The following SORCS2 variants were observed in gnomAD, a reference collection of about 807,000 sequenced individuals.
SORCS2 encodes VPS10 domain-containing receptor SorCS2.
Under a neutral mutation model 141.6 loss-of-function variants are expected in SORCS2, and 100 were observed. The observed-to-expected ratio is 0.71, with a 90% CI of 0.60 to 0.83. SORCS2 has a LOEUF of 0.83. SORCS2 is among the 40% of genes least tolerant of loss of function. The pLI is 0.00. For missense variants in SORCS2, 1,646 were observed against 1,560.2 expected (o/e 1.05, Z -0.93); for synonymous variants, 789 against 676.9 (o/e 1.17, Z -2.57).
At chr4:7,253,640 G>A (rs1713654008) in intron 1 of SORCS2, among the ~76,000 whole-genome samples, 1 of 152,208 alleles carries the variant, frequency 6.6e-6, no homozygotes, top group African/African-American at 2.4e-5. Flanking sequence ...GGCCCACAGG[G>A]TCACTGGGGA....
At chr4:7,641,487 T>C (rs1720724111) in intron 4 of SORCS2, among the ~76,000 whole-genome samples, 1 of 152,194 alleles carries the variant, frequency 6.6e-6, no homozygotes, top group South Asian at 2.1e-4. Flanking sequence ...CATGTGGGGA[T>C]TACAATTTGA....
chr4:7,515,563 C>G (rs985590324), intron 2 of SORCS2, among the ~76,000 whole-genome samples: 1 of 152,224 alleles, frequency 6.6e-6, no homozygotes, highest in South Asian at 2.1e-4. Context: ...ATTGAGGAGG[C>G]CTGGACACCG....
chr4:7,589,021 A>G (rs1716728048), intron 3 of SORCS2, among the ~76,000 whole-genome samples: 1 of 152,326 alleles, frequency 6.6e-6, no homozygotes, highest in Middle Eastern at 3.4e-3. Flanking sequence ...GAGACACAGC[A>G]GACTGAGAGA....
chr4:7,665,230 T>G (rs924257688), intron 7 of SORCS2, among the ~76,000 whole-genome samples: 2 of 152,176 alleles, frequency 1.3e-5, no homozygotes, highest in South Asian at 2.1e-4. Context: ...TCAGCCACAC[T>G]TGGTCACCCC....
rs143737803 is a variant in SORCS2, at chr4:7,617,098, A to G, written c.649-21230A>G. On this transcript the variant is annotated intron_variant, in intron 3 of 26. Coordinates refer to ENST00000507866, the MANE Select transcript of SORCS2 (RefSeq NM_020777.3). ...AGCTAGTCCAAATTGTGGCCAGGCC[A>G]GAATTCTGAATATTTTGACTACAAA... Among the ~76,000 whole-genome samples the G allele has an allele frequency of 2.9e-3, 441 of 152,336 alleles. 2 individuals are homozygous for G. Among genetic ancestry groups the G allele is most frequent in the African/African-American group, 0.01 (425 of 41,576 alleles).
chr4:7,428,753 C>T (rs1055932690), intron 2 of SORCS2, among the ~76,000 whole-genome samples: 10 of 152,066 alleles, frequency 6.6e-5, no homozygotes, highest in Admixed American at 2.0e-4. Context: ...GGGGTCCACC[C>T]GGCTGGTGGT....
chr4:7,445,887 C>T (rs1412239519), intron 2 of SORCS2, among the ~76,000 whole-genome samples: 1 of 152,152 alleles, frequency 6.6e-6, no homozygotes. Flanking sequence ...TCCCCACTGG[C>T]CCTGAGAGTA....
At position 7,433,630 on chromosome 4, in the gene SORCS2, C is replaced by G. The variant is rs747716104; in HGVS notation, c.548+37275C>G. ...ACCCTTGAAGGCCACCAGGATGTCTCGCTTGGTGCTCTTGCTCTCCAAGTT... is the reference window on the plus strand; with the variant it reads ...ACCCTTGAAGGCCACCAGGATGTCTGGCTTGGTGCTCTTGCTCTCCAAGTT... On this transcript the variant is annotated intron_variant, in intron 2 of 26. Coordinates refer to ENST00000507866, the MANE Select transcript of SORCS2 (RefSeq NM_020777.3). The G allele has an allele frequency of 6.2e-6, 10 of 1,610,808 alleles. No homozygotes were observed. The highest frequency in any genetic ancestry group is 8.5e-6 in the Non-Finnish European group (10 of 1,178,400).
rs184680812 is a variant in SORCS2 at position 7,222,000 on chromosome 4, A to T, written c.480+28874A>T. ...GTTCAGATGGGGCTGAGTGCTATGGAGAAAATGGAGCAAGTGATGACCCAC... is the reference window on the plus strand; with the variant it reads ...GTTCAGATGGGGCTGAGTGCTATGGTGAAAATGGAGCAAGTGATGACCCAC... On this transcript the variant is annotated intron_variant, in intron 1 of 26. Transcript: ENST00000507866. 4.6e-5 allele frequency among the ~76,000 whole-genome samples: 7 copies of T among 152,230 alleles called. No homozygotes were observed. In the East Asian group the frequency reaches 1.2e-3, roughly 25 times the overall value.
intron 1 of SORCS2, among the ~76,000 whole-genome samples, chr4:7,279,074 C>T (rs993223471): frequency 1.3e-5 from 2 of 152,148 alleles, no homozygotes; most frequent in African/African-American, 4.8e-5. Context: ...TCCAGTGCTT[C>T]CTATGGGAGA....
At position 7,396,317 on chromosome 4, in the gene SORCS2, C is replaced by T. The variant is rs528646889; in HGVS notation, c.510C>T (p.His170=). 10 of 1,613,856 alleles carry T rather than the reference C, an allele frequency of 6.2e-6. No individual in the cohort carries two copies. Among genetic ancestry groups the T allele is most frequent in the African/African-American group, 4.0e-5 (3 of 74,926 alleles). The change falls in exon 2 of 27, where the codon CAC becomes CAT. Residue 170 remains histidine (H), a synonymous_variant. Transcript: ENST00000507866. ...TCTTGATCCTGACGAAGTACTACCACGCAGACATGGGGAAGGTTCTGGAAA... is the reference window on the plus strand; with the variant it reads ...TCTTGATCCTGACGAAGTACTACCATGCAGACATGGGGAAGGTTCTGGAAA... ...SVILILTKYY[H]ADMGKVLESS...
At chr4:7,383,327 T>C (rs1723102902) in intron 1 of SORCS2, among the ~76,000 whole-genome samples, 1 of 152,220 alleles carries the variant, frequency 6.6e-6, no homozygotes, top group African/African-American at 2.4e-5. Flanking sequence ...CAGAGGCTGC[T>C]GTGCCCAAAT....
chr4:7,307,248 G>A (rs1386817417), intron 1 of SORCS2, among the ~76,000 whole-genome samples: 9 of 152,322 alleles, frequency 5.9e-5, no homozygotes, highest in African/African-American at 1.7e-4. Context: ...GGGAGGGATC[G>A]TTCACGGGTC....
intron 2 of SORCS2, among the ~76,000 whole-genome samples, chr4:7,526,832 T>TA (rs892674753): frequency 6.6e-6 from 1 of 152,234 alleles, no homozygotes; most frequent in African/African-American, 2.4e-5. Flanking sequence ...CCTATGGGTT[T>TA]AAAATAAAGA....
At chr4:7,209,172 C>T (rs1368170728) in intron 1 of SORCS2, among the ~76,000 whole-genome samples, 1 of 152,226 alleles carries the variant, frequency 6.6e-6, no homozygotes, top group Non-Finnish European at 1.5e-5. Context: ...GAGGTCTTGC[C>T]CCGGTGCCGG....
chr4:7,657,609 GTGAGTGAGTCACTGAA>G (rs1560461550), intron 5 of SORCS2, among the ~76,000 whole-genome samples: 3 of 145,700 alleles, frequency 2.1e-5, no homozygotes, highest in African/African-American at 7.9e-5. Context: ...GAGTGAGTGG[GTGAGTGAGTCACTGAA>G]TGAGTTAGTG....
chr4:7,457,561 C>T (rs1165230741), intron 2 of SORCS2, among the ~76,000 whole-genome samples: 1 of 150,960 alleles, frequency 6.6e-6, no homozygotes, highest in Admixed American at 6.6e-5. Context: ...ACAAAGCTGA[C>T]AGGTGTGAGC....
intron 2 of SORCS2, among the ~76,000 whole-genome samples, chr4:7,466,808 G>T (rs897494002): frequency 6.6e-6 from 1 of 152,318 alleles, no homozygotes; most frequent in African/African-American, 2.4e-5. Flanking sequence ...GCCCAGGGGT[G>T]CTGGGAGGCA....
chr4:7,571,710 G>A (rs907554296), intron 3 of SORCS2, among the ~76,000 whole-genome samples: 3 of 152,134 alleles, frequency 2.0e-5, no homozygotes, highest in African/African-American at 7.2e-5. Flanking sequence ...AGCAGAGCAT[G>A]TCACCAGGAA....
Sources: gnomAD v4.1 joint callset for allele counts (sites outside exome capture counted in the v4.1 genomes callset) on GRCh38, gnomAD v4.1.1 for gene constraint, MANE v1.5 for transcripts, NCBI Gene and HGNC (gene_info 2026-07-23, HGNC 2026-07-21) for gene names.